OR2C1: variants seen among roughly 807,000 people sequenced by gnomAD.
OR2C1 encodes the protein olfactory receptor family 2 subfamily C member 1.
For missense variants in OR2C1, 468 were observed against 388.3 expected (o/e 1.21, Z -1.73); for synonymous variants, 209 against 167.3 (o/e 1.25, Z -1.92).
chr16:3,346,786 C>T, the OR2C1 span, among the ~76,000 whole-genome samples: 4 of 151,228 alleles, frequency 2.6e-5, no homozygotes, highest in African/African-American at 7.3e-5. Context: ...CCCGCCACCA[C>T]GCTCGACTAA....
At chr16:3,329,103 A>G in the OR2C1 span, among the ~76,000 whole-genome samples, 9 of 151,212 alleles carry the variant, frequency 6.0e-5, no homozygotes, top group African/African-American at 1.9e-4. Flanking sequence ...CAAATAAGGA[A>G]TCAGTAAGCA....
chr16:3,339,274 G>GT, the OR2C1 span, among the ~76,000 whole-genome samples: 8,730 of 130,592 alleles, frequency 0.067, 257 homozygotes, highest in African/African-American at 0.085. Context: ...ATGAACATTA[G>GT]TTTTTTTTTT....
At chr16:3,331,162 T>A in the OR2C1 span, among the ~76,000 whole-genome samples, 1 of 152,268 alleles carries the variant, frequency 6.6e-6, no homozygotes, top group Non-Finnish European at 1.5e-5. Flanking sequence ...TTTTCATGTG[T>A]GTTTCGGCTG....
the OR2C1 span, among the ~76,000 whole-genome samples, chr16:3,326,762 C>A: frequency 6.6e-6 from 1 of 152,194 alleles, no homozygotes; most frequent in Non-Finnish European, 1.5e-5. Context: ...TAGAACAAAT[C>A]CAGCTCTTGC....
chr16:3,351,880 A>G (rs113775083), upstream of OR2C1, among the ~76,000 whole-genome samples: 4,231 of 131,318 alleles, frequency 0.032, 209 homozygotes, highest in African/African-American at 0.11. Flanking sequence ...ATTGCCAAGC[A>G]TTTAGTCTTT....
chr16:3,325,367 C>T, the OR2C1 span, among the ~76,000 whole-genome samples: 3 of 151,292 alleles, frequency 2.0e-5, no homozygotes, highest in African/African-American at 4.9e-5. Context: ...GATCCTCCTG[C>T]CTTGGCTTCC....
chr16:3,347,894 A>G, the OR2C1 span, among the ~76,000 whole-genome samples: 1 of 151,612 alleles, frequency 6.6e-6, no homozygotes, highest in African/African-American at 2.4e-5. Flanking sequence ...ACATGCACAC[A>G]CCCACTATAG....
the OR2C1 span, among the ~76,000 whole-genome samples, chr16:3,330,215 T>G: frequency 6.6e-6 from 1 of 151,870 alleles, no homozygotes; most frequent in Non-Finnish European, 1.5e-5. Flanking sequence ...CACGCCATTC[T>G]CCTGCCTCAA....
In OR2C1 at chr16:3,357,027, G is replaced by A; in HGVS notation, c.*148G>A. The A allele has an allele frequency of 1.5e-6, 1 of 683,000 alleles. No individual in the cohort carries two copies. 42.3% of individuals were successfully genotyped at this position (683,000 alleles called of 1,614,324 possible). A position where few individuals can be genotyped will look rare whatever the true frequency, so the allele number is the denominator to read the frequency against. ...CCTAAGCTGACAGCCCTAAGCTGTT[G>A]GGAACATGGTTAGTGTTATTCGTAA... On this transcript the variant is annotated 3_prime_UTR_variant, in exon 1 of 1. Transcript: ENST00000304936.
At chr16:3,346,402 A>C in the OR2C1 span, among the ~76,000 whole-genome samples, 1 of 152,198 alleles carries the variant, frequency 6.6e-6, no homozygotes, top group Admixed American at 6.5e-5. Context: ...AAGTACGTCC[A>C]GCTGGACTCT....
chr16:3,329,177 C>CACAT, the OR2C1 span, among the ~76,000 whole-genome samples: 1 of 145,638 alleles, frequency 6.9e-6, no homozygotes, highest in Non-Finnish European at 1.5e-5. Flanking sequence ...AAGACACACA[C>CACAT]ACACACACAC....
the OR2C1 span, among the ~76,000 whole-genome samples, chr16:3,349,652 C>T: frequency 1.3e-5 from 2 of 151,790 alleles, no homozygotes; most frequent in Non-Finnish European, 2.9e-5. Flanking sequence ...GAGAGAGAGG[C>T]GAACAGGGGG....
chr16:3,350,027 G>T, the OR2C1 span, among the ~76,000 whole-genome samples: 1 of 148,466 alleles, frequency 6.7e-6, no homozygotes, highest in Non-Finnish European at 1.5e-5. Flanking sequence ...AGTCAGGAAG[G>T]AAAAATACTC....
the OR2C1 span, among the ~76,000 whole-genome samples, chr16:3,346,249 A>G: frequency 5.3e-5 from 8 of 152,166 alleles, no homozygotes; most frequent in Non-Finnish European, 1.2e-4. Flanking sequence ...CCCTGAGGGC[A>G]TGGACTATAT....
chr16:3,354,136 A>G (rs545046265), upstream of OR2C1, among the ~76,000 whole-genome samples: 4 of 152,024 alleles, frequency 2.6e-5, no homozygotes, highest in South Asian at 8.3e-4. Context: ...GGCGCCCGCC[A>G]CCATGCCCGA....
upstream of OR2C1, among the ~76,000 whole-genome samples, chr16:3,355,064 A>G (rs1270546105): frequency 6.6e-6 from 1 of 152,070 alleles, no homozygotes; most frequent in Admixed American, 6.6e-5. Context: ...TTTTGTCATC[A>G]TGAGGCACTT....
At chr16:3,348,880 T>C in the OR2C1 span, among the ~76,000 whole-genome samples, 1 of 151,976 alleles carries the variant, frequency 6.6e-6, no homozygotes, top group Admixed American at 6.5e-5. Flanking sequence ...TGATTTGTGG[T>C]TTATGTTGGA....
chr16:3,355,390 G>A (rs1375267799), upstream of OR2C1, among the ~76,000 whole-genome samples: 3 of 137,238 alleles, frequency 2.2e-5, no homozygotes, highest in East Asian at 2.3e-4. Flanking sequence ...CCTGGGAGGC[G>A]GAAGTTGCAA....
chr16:3,336,227 T>G, the OR2C1 span, among the ~76,000 whole-genome samples: 6 of 152,228 alleles, frequency 3.9e-5, no homozygotes, highest in East Asian at 1.2e-3. Flanking sequence ...TGTTTATTGA[T>G]TTGTATCCCT....
Sources: allele counts gnomAD v4.1 joint callset (sites outside exome capture counted in the v4.1 genomes callset), GRCh38; gene constraint gnomAD v4.1.1; transcripts MANE v1.5; gene names NCBI Gene and HGNC (gene_info 2026-07-23, HGNC 2026-07-21).